Variants in ACADS observed in about 807,000 individuals in gnomAD.
ACADS encodes acyl-CoA dehydrogenase short chain.
In ACADS, 28 loss-of-function variants were observed where a neutral mutation model predicts 46.8. That is an observed-to-expected ratio of 0.60 (90% CI 0.44 to 0.82). ACADS has a LOEUF of 0.82. Among genes scored for constraint, ACADS ranks in the 40% least tolerant of loss-of-function variants. The pLI is 0.00. For synonymous variants in ACADS, 236 were observed against 237.7 expected (o/e 0.99, Z 0.07); for missense variants, 528 against 578.0 (o/e 0.91, Z 0.89).
chr12:120,738,845 C>T lies in ACADS; in HGVS notation c.959C>T (p.Ala320Val), dbSNP rs1883551519. The T allele has an allele frequency of 6.2e-7, 1 of 1,613,444 alleles. No individual in the cohort carries two copies. Among genetic ancestry groups the T allele is most frequent in the South Asian group, 1.1e-5 (1 of 91,030 alleles). The change falls in exon 8 of 10, where the codon GCC becomes GTC. Residue 320 changes from alanine (A) to valine (V), a missense_variant. By Grantham distance (64) the Ala-to-Val change is moderately conservative. Transcript: ENST00000242592. ...TTCAAGTTGGCAGACATGGCCCTGG[C>T]CCTGGAGAGTGCCCGGCTGCTGACC... is the stretch of plus-strand genomic sequence containing the variant. ...IQFKLADMAL[A>V]LESARLLTWR...
chr12:120,735,839 A>C (rs1429479368), intron 2 of ACADS, among the ~76,000 whole-genome samples: 3 of 144,902 alleles, frequency 2.1e-5, no homozygotes, highest in African/African-American at 7.6e-5. Context: ...AAGAGGTTGC[A>C]GTGAGCCGAG....
chr12:120,733,755 C>CA (rs1267081518), intron 2 of ACADS, among the ~76,000 whole-genome samples: 1 of 147,806 alleles, frequency 6.8e-6, no homozygotes, highest in African/African-American at 2.5e-5. Context: ...GCTGCTGTAA[C>CA]AAATGACCAC....
chr12:120,736,734 C>T (rs1416943949), intron 2 of ACADS, among the ~76,000 whole-genome samples: 22 of 152,284 alleles, frequency 1.4e-4, no homozygotes, highest in Middle Eastern at 6.8e-3. Context: ...TGCTCGCTGC[C>T]GTGGCTGTGG....
At position 120,738,763 on chromosome 12, in the gene ACADS, C is replaced by T; in HGVS notation, c.934-57C>T. 5.6e-6 allele frequency: 9 copies of T among 1,611,802 alleles called. No homozygotes were observed. The South Asian group carries it at 9.9e-5, about 18-fold the overall frequency. ...CTGCTCTCCGTCCTCCTCCCCCTCC[C>T]TTCTGTCCCCTGGAGGGGCAGCTGC... On this transcript the variant is annotated intron_variant, in intron 7 of 9. Transcript: ENST00000242592.
intron 2 of ACADS, among the ~76,000 whole-genome samples, chr12:120,736,419 A>G (rs1883438602): frequency 6.6e-6 from 1 of 152,244 alleles, no homozygotes; most frequent in South Asian, 2.1e-4. Context: ...AAAAGACCTT[A>G]ATCCAGAGAA....
In ACADS at chr12:120,727,069, G is replaced by T; in HGVS notation, c.90G>T (p.Gln30His). 1 of 1,614,176 alleles carries T rather than the reference G, an allele frequency of 6.2e-7. No homozygotes were observed. Among genetic ancestry groups the T allele is most frequent in the Non-Finnish European group, 8.5e-7 (1 of 1,180,032 alleles). Residue 30 changes from glutamine (Q) to histidine (H), a missense_variant, in exon 2 of 10, where the codon CAG becomes CAT. Gln to His is a conservative substitution (Grantham distance 24). Transcript: ENST00000242592. ...RAWRQLHTIYQSVELPETHQM... is the reference protein window; with the variant it reads ...RAWRQLHTIYHSVELPETHQM... ...GGCGGCAGTTACACACCATCTACCA[G>T]TCTGTGGAACTGCCCGAGACACACC...
chr12:120,739,610 C>T lies in ACADS; in HGVS notation c.*162C>T, dbSNP rs1273364186. On this transcript the variant is annotated 3_prime_UTR_variant, in exon 10 of 10. Transcript: ENST00000242592. ...CAGATCACATGGGAATGAGGCCCTCCGACCATTGGCAGCTCCGCCTCTGGG... is the reference window on the plus strand; with the variant it reads ...CAGATCACATGGGAATGAGGCCCTCTGACCATTGGCAGCTCCGCCTCTGGG... The T allele has an allele frequency of 1.7e-5, 13 of 781,324 alleles. No homozygotes were observed. The highest frequency in any genetic ancestry group is 3.6e-5 in the South Asian group (2 of 55,034). 48.4% of individuals were successfully genotyped at this position (781,324 alleles called of 1,614,324 possible). A position where few individuals can be genotyped will look rare whatever the true frequency, so the allele number is the denominator to read the frequency against.
In ACADS at chr12:120,737,440, A is replaced by G; in HGVS notation, c.445A>G (p.Ile149Val). 4.3e-6 allele frequency: 7 copies of G among 1,614,100 alleles called. No homozygotes were observed. The highest frequency in any genetic ancestry group is 5.9e-6 in the Non-Finnish European group (7 of 1,179,998). Residue 149 changes from isoleucine to valine, a missense_variant, in exon 4 of 10, where the codon ATT becomes GTT. Physicochemically the swap from Ile to Val is conservative, Grantham distance 29 (BLOSUM62 3). Coordinates refer to ENST00000242592, the MANE Select transcript of ACADS (RefSeq NM_000017.4). ...CACGCCTTTCACCAGTGGTGACAAAATTGGCTGCTTTGCCCTCAGCGAACC... is the reference window on the plus strand; with the variant it reads ...CACGCCTTTCACCAGTGGTGACAAAGTTGGCTGCTTTGCCCTCAGCGAACC... The part of the protein sequence containing the change: ...WVTPFTSGDK[I>V]GCFALSEPGN...
chr12:120,739,418 C>T lies in ACADS; in HGVS notation c.1209C>T (p.Ala403=), dbSNP rs377069922. ...GTSEIQRLVI[A]GHLLRSYRS Reference sequence around the variant, plus strand: ...GCGAAATCCAGCGGCTGGTGATCGCCGGGCATCTGCTCAGGAGCTACCGGA... The same window carrying T: ...GCGAAATCCAGCGGCTGGTGATCGCTGGGCATCTGCTCAGGAGCTACCGGA... The change falls in exon 10 of 10, where the codon GCC becomes GCT. Residue 403 remains alanine, a synonymous_variant. Transcript: ENST00000242592. 49 of 1,611,760 alleles carry T rather than the reference C, an allele frequency of 3.0e-5. No individual in the cohort carries two copies. Among genetic ancestry groups the T allele is most frequent in the Middle Eastern group, 3.3e-4 (2 of 6,006 alleles).
intron 2 of ACADS, among the ~76,000 whole-genome samples, chr12:120,729,175 T>A (rs958232922): frequency 6.6e-6 from 1 of 152,138 alleles, no homozygotes; most frequent in Non-Finnish European, 1.5e-5. Context: ...TGTTAGTTAA[T>A]TACCATCAAT....
At chr12:120,736,171 G>T (rs1883429265) in intron 2 of ACADS, among the ~76,000 whole-genome samples, 1 of 76,292 alleles carries the variant, frequency 1.3e-5, no homozygotes, top group African/African-American at 3.6e-5. Context: ...TGGTAGAGAT[G>T]GGGTCTTGCT....
chr12:120,732,010 G>A (rs1471687216), intron 2 of ACADS, among the ~76,000 whole-genome samples: 28 of 151,764 alleles, frequency 1.8e-4, no homozygotes, highest in Admixed American at 1.6e-3. Context: ...AGTACAGAAC[G>A]AAATGAAGTC....
rs1178136666 is a variant in ACADS, at chr12:120,738,542, G to A, written c.805G>A (p.Asp269Asn). Residue 269 changes from aspartate to asparagine, a missense_variant, in exon 7 of 10, where the codon GAC (aspartate) becomes AAC (asparagine). By Grantham distance (23) the Asp-to-Asn change is conservative (BLOSUM62 1). Transcript: ENST00000242592. ...AGGGCGGTCCCCACAGCAAACCCTG[G>A]ACATGGGCCGCATCGGCATCGCCTC... is the stretch of plus-strand genomic sequence containing the variant. ...MGFKIAMQTL[D>N]MGRIGIASQA... 3 of 1,609,848 alleles carry A rather than the reference G, an allele frequency of 1.9e-6. No homozygotes were observed. The highest frequency in any genetic ancestry group is 2.7e-5 in the African/African-American group (2 of 74,956).
chr12:120,737,330 C>T, intron 3 of ACADS, 26 bp from the exon 4 acceptor site: 3 of 1,608,118 alleles, frequency 1.9e-6, no homozygotes, highest in South Asian at 1.1e-5. Flanking sequence ...CCTGGGGCCT[C>T]CGACCGCTCC....
intron 1 of ACADS, among the ~76,000 whole-genome samples, chr12:120,726,732 C>CTAA (rs2136939036): frequency 6.6e-6 from 1 of 152,302 alleles, no homozygotes; most frequent in South Asian, 2.1e-4. Context: ...AGTGAGTGTA[C>CTAA]TAAGCATTCA....
At position 120,739,531 on chromosome 12, in the gene ACADS, G is replaced by GC. The variant is rs1883592246; in HGVS notation, c.*86dup. Reference sequence around the variant, plus strand: ...CCAACCCCGGCTCAGAGACTGGGCGGCCCGGCGGGGGCTCCCTGGGGACCC... The same window carrying GC: ...CCAACCCCGGCTCAGAGACTGGGCGGCCCCGGCGGGGGCTCCCTGGGGACCC... On this transcript the variant is annotated 3_prime_UTR_variant, in exon 10 of 10. Transcript: ENST00000242592. 1 of 1,528,656 alleles carries GC rather than the reference G, an allele frequency of 6.5e-7. No homozygotes were observed. Among genetic ancestry groups the GC allele is most frequent in the Non-Finnish European group, 8.8e-7 (1 of 1,136,692 alleles). The allele number at this position is 1,528,656 out of a possible 1,614,324, so 94.7% of individuals were successfully genotyped here.
At chr12:120,735,381 G>A (rs974034978) in intron 2 of ACADS, among the ~76,000 whole-genome samples, 2 of 143,362 alleles carry the variant, frequency 1.4e-5, no homozygotes, top group African/African-American at 5.2e-5. Flanking sequence ...AAAACAACTT[G>A]GCAGCCACTT....
intron 2 of ACADS, among the ~76,000 whole-genome samples, chr12:120,733,850 C>CA (rs11405010): frequency 0.35 from 41,675 of 119,504 alleles, 8,366 homozygotes; most frequent in African/African-American, 0.59. Flanking sequence ...CCATCTCTAC[C>CA]AAAAAAAAAA....
At chr12:120,734,916 T>TA (rs2136946245) in intron 2 of ACADS, among the ~76,000 whole-genome samples, 2 of 150,962 alleles carry the variant, frequency 1.3e-5, no homozygotes, top group East Asian at 4.0e-4. Context: ...CATGCCTGGC[T>TA]AGTTTTTATA....
Sources: allele counts gnomAD v4.1 joint callset (sites outside exome capture counted in the v4.1 genomes callset), GRCh38; gene constraint gnomAD v4.1.1; transcripts MANE v1.5; gene names NCBI Gene and HGNC (gene_info 2026-07-23, HGNC 2026-07-21).